Variants in DLGAP2 observed in about 807,000 individuals in gnomAD.
The protein encoded by DLGAP2 is DLG associated protein 2.
DLGAP2 carries 26 observed loss-of-function variants against 100.3 expected under a neutral mutation model. The ratio of observed to expected loss-of-function variants is 0.26; its 90% CI spans 0.19 to 0.36. The LOEUF (loss-of-function observed/expected upper bound fraction) is 0.36. DLGAP2 is among the 10% of genes least tolerant of loss of function. The pLI, the probability that DLGAP2 is intolerant of heterozygous loss-of-function variation, is 1.00. For missense variants in DLGAP2, 1,858 were observed against 1,453.2 expected (o/e 1.28, Z -4.53); for synonymous variants, 886 against 630.1 (o/e 1.41, Z -6.08).
intron 2 of DLGAP2, among the ~76,000 whole-genome samples, chr8:917,637 G>A (rs1039330891): frequency 3.3e-5 from 5 of 152,182 alleles, no homozygotes; most frequent in Non-Finnish European, 7.3e-5. Context: ...CTGGAGTGCA[G>A]TGGTGCGATC....
chr8:824,517 T>A (rs12548507), intron 1 of DLGAP2, among the ~76,000 whole-genome samples: 20,858 of 152,096 alleles, frequency 0.14, 1,712 homozygotes, highest in East Asian at 0.24. Context: ...TACGGGCAGC[T>A]TTTATGGTTT....
chr8:812,426 G>A (rs951378347), intron 1 of DLGAP2, among the ~76,000 whole-genome samples: 1 of 152,140 alleles, frequency 6.6e-6, no homozygotes, highest in African/African-American at 2.4e-5. Context: ...TGCCGGCCCC[G>A]CCAGACTCTC....
chr8:817,539 T>C (rs938399402), intron 1 of DLGAP2, among the ~76,000 whole-genome samples: 64 of 152,296 alleles, frequency 4.2e-4, no homozygotes, highest in African/African-American at 1.5e-3. Context: ...TAAATAACCT[T>C]GTTTTATCCT....
intron 8 of DLGAP2, among the ~76,000 whole-genome samples, chr8:1,661,522 G>A (rs1380972242): frequency 1.3e-5 from 2 of 152,178 alleles, no homozygotes; most frequent in Non-Finnish European, 2.9e-5. Context: ...CATCTCCCTG[G>A]CAAACTAAAA....
At chr8:1,686,410 G>A (rs1799116300) in intron 12 of DLGAP2, among the ~76,000 whole-genome samples, 2 of 152,212 alleles carry the variant, frequency 1.3e-5, no homozygotes, top group Non-Finnish European at 2.9e-5. Context: ...GCTCATGCCT[G>A]TAATCCCAGC....
intron 1 of DLGAP2, among the ~76,000 whole-genome samples, chr8:759,614 G>A (rs960514170): frequency 5.3e-5 from 8 of 152,120 alleles, no homozygotes; most frequent in African/African-American, 1.2e-4. Context: ...GCACGTTCCC[G>A]GGACTGGGAC....
chr8:1,492,306 C>G (rs1225609649), intron 3 of DLGAP2, among the ~76,000 whole-genome samples: 1 of 152,214 alleles, frequency 6.6e-6, no homozygotes, highest in East Asian at 1.9e-4. Context: ...ATGTCATTGT[C>G]CTAACGGAGC....
At chr8:800,740 ATG>A (rs1463894445) in intron 1 of DLGAP2, among the ~76,000 whole-genome samples, 2 of 151,848 alleles carry the variant, frequency 1.3e-5, no homozygotes, top group African/African-American at 4.8e-5. Flanking sequence ...GTGTATGTGT[ATG>A]TGCATGTGTG....
At chr8:1,072,457 C>G (rs2129037583) in intron 2 of DLGAP2, among the ~76,000 whole-genome samples, 1 of 152,260 alleles carries the variant, frequency 6.6e-6, no homozygotes. Flanking sequence ...TTCTTGGAGA[C>G]TTGAAATGCA....
At chr8:1,184,908 C>T (rs927476214) in intron 2 of DLGAP2, among the ~76,000 whole-genome samples, 14 of 152,296 alleles carry the variant, frequency 9.2e-5, no homozygotes, top group Non-Finnish European at 1.9e-4. Flanking sequence ...AAAGGTGACT[C>T]ACTTGCCCCA....
intron 3 of DLGAP2, among the ~76,000 whole-genome samples, chr8:1,407,613 A>G (rs866159416): frequency 6.0e-4 from 31 of 51,554 alleles, no homozygotes; most frequent in Middle Eastern, 0.028. Context: ...CTCATCCTCC[A>G]GAGTCGTGTA....
intron 1 of DLGAP2, among the ~76,000 whole-genome samples, chr8:813,525 G>C (rs936752110): frequency 6.6e-6 from 1 of 152,138 alleles, no homozygotes; most frequent in Non-Finnish European, 1.5e-5. Flanking sequence ...GCGTGTCTTA[G>C]ATTTCTTCAA....
Position 1,528,976 on chromosome 8 carries a change from C to A in DLGAP2, c.173-19650C>A, listed in dbSNP as rs149393151. Reference sequence around the variant, plus strand: ...TTCCTAGCATTTCCTAAAATGTTCACGTGATATTTAACCTTCCTCATGTTT... The same window carrying A: ...TTCCTAGCATTTCCTAAAATGTTCAAGTGATATTTAACCTTCCTCATGTTT... On this transcript the variant is annotated intron_variant, in intron 4 of 14. Transcript: ENST00000637795. Among the ~76,000 whole-genome samples, 79 of 152,280 alleles carry A rather than the reference C, an allele frequency of 5.2e-4. No individual in the cohort carries two copies. The East Asian group carries it at 0.013, about 25-fold the overall frequency.
intron 2 of DLGAP2, among the ~76,000 whole-genome samples, chr8:1,042,409 A>T (rs1802379556): frequency 1.3e-5 from 2 of 152,232 alleles, no homozygotes; most frequent in Non-Finnish European, 1.5e-5. Context: ...AGGATTTAAC[A>T]TCTGACCTTG....
chr8:1,681,382 C>A (rs1329725220), intron 12 of DLGAP2, among the ~76,000 whole-genome samples: 2 of 152,050 alleles, frequency 1.3e-5, no homozygotes, highest in African/African-American at 4.8e-5. Flanking sequence ...CCTGTAATCC[C>A]AGCACTTTGT....
chr8:1,553,267 C>T (rs1801836568), intron 5 of DLGAP2, among the ~76,000 whole-genome samples: 2 of 152,224 alleles, frequency 1.3e-5, no homozygotes, highest in Non-Finnish European at 2.9e-5. Context: ...TGGTTTTCTC[C>T]TCTTCTAGTG....
chr8:747,110 C>T (rs1009719864), intron 1 of DLGAP2, among the ~76,000 whole-genome samples: 7 of 151,860 alleles, frequency 4.6e-5, no homozygotes, highest in African/African-American at 7.2e-5. Context: ...CTGGGGAGAG[C>T]GACACTGGAA....
At chr8:1,319,155 C>G (rs1322547879) in intron 3 of DLGAP2, among the ~76,000 whole-genome samples, 1 of 152,112 alleles carries the variant, frequency 6.6e-6, no homozygotes, top group African/African-American at 2.4e-5. Context: ...TCGCTGCCTC[C>G]CTGCAGTGCC....
intron 2 of DLGAP2, among the ~76,000 whole-genome samples, chr8:1,033,752 C>A (rs1424488145): frequency 5.3e-5 from 8 of 150,352 alleles, no homozygotes; most frequent in African/African-American, 2.0e-4. Context: ...ACACACTCAT[C>A]CCGACCCCGC....
Sources: allele counts gnomAD v4.1 joint callset (sites outside exome capture counted in the v4.1 genomes callset), GRCh38; gene constraint gnomAD v4.1.1; transcripts MANE v1.5; gene names NCBI Gene and HGNC (gene_info 2026-07-23, HGNC 2026-07-21).